The following IL1RAPL1 variants were observed in gnomAD, a reference collection of about 807,000 sequenced individuals.
The protein encoded by IL1RAPL1 is interleukin-1 receptor accessory protein-like 1.
Under a neutral mutation model 48.4 loss-of-function variants are expected in IL1RAPL1, and 3 were observed. The ratio of observed to expected loss-of-function variants is 0.06; its 90% CI spans 0.03 to 0.16. The LOEUF is 0.16. Ranked by LOEUF, IL1RAPL1 falls within the 10% of genes least tolerant of loss-of-function variation. The pLI, the probability that IL1RAPL1 is intolerant of heterozygous loss-of-function variation, is 1.00. For missense variants in IL1RAPL1, 349 were observed against 530.6 expected, an observed-to-expected ratio of 0.66 and a Z score of 3.36; for synonymous variants, 185 against 187.7, an observed-to-expected ratio of 0.99 and a Z score of 0.12.
At chrX:28,831,026 C>CTCTCTCTCTG (rs1438889606) in intron 2 of IL1RAPL1, among the ~76,000 whole-genome samples, 9 of 33,644 alleles carry the variant, frequency 2.7e-4, no homozygotes, top group South Asian at 2.0e-3. Context: ...CTCTCTCTCT[C>CTCTCTCTCTG]TGTGTGTGTG....
chrX:29,956,201 G>T lies in IL1RAPL1; in HGVS notation c.*381G>T, dbSNP rs1933419296. 5.5e-6 allele frequency: 1 copy of T among 182,659 alleles called. No individual in the cohort carries two copies. The highest frequency in any genetic ancestry group is 3.2e-5 in the African/African-American group (1 of 31,315). 15.1% of individuals were successfully genotyped at this position (182,659 alleles called of 1,213,427 possible). On this transcript the variant is annotated 3_prime_UTR_variant, in exon 11 of 11. Coordinates refer to ENST00000378993, the MANE Select transcript of IL1RAPL1 (RefSeq NM_014271.4). ...ACTTTGCTTTTAACATTTCCTTGGGGTGCTTGGACAAATCTATCCGATGGG... is the reference window on the plus strand; with the variant it reads ...ACTTTGCTTTTAACATTTCCTTGGGTTGCTTGGACAAATCTATCCGATGGG...
intron 6 of IL1RAPL1, among the ~76,000 whole-genome samples, chrX:29,887,965 G>T (rs376998002): frequency 1.8e-5 from 2 of 111,191 alleles, no homozygotes; most frequent in East Asian, 5.7e-4. Context: ...TCAACTAATA[G>T]TACCAAACAA....
chrX:29,281,746 T>C (rs1932204845), intron 2 of IL1RAPL1, among the ~76,000 whole-genome samples: 1 of 112,429 alleles, frequency 8.9e-6, no homozygotes, highest in Non-Finnish European at 1.9e-5. Flanking sequence ...CAAATAATTA[T>C]TAAATGTAAC....
At chrX:29,281,912 C>T (rs757330443) in intron 2 of IL1RAPL1, among the ~76,000 whole-genome samples, 1 of 111,723 alleles carries the variant, frequency 9.0e-6, no homozygotes, top group African/African-American at 3.3e-5. Context: ...ATCAAGGTAC[C>T]AGCCAATTTG....
At chrX:29,591,137 C>T (rs1923357983) in intron 5 of IL1RAPL1, among the ~76,000 whole-genome samples, 1 of 111,543 alleles carries the variant, frequency 9.0e-6, no homozygotes, top group African/African-American at 3.3e-5. Flanking sequence ...TAGTACCATC[C>T]TGTGATCACA....
At chrX:29,395,327 A>G (rs774854926) in intron 3 of IL1RAPL1, among the ~76,000 whole-genome samples, 58 of 111,828 alleles carry the variant, frequency 5.2e-4, no homozygotes, top group South Asian at 1.1e-3. Context: ...CTTTGAATTC[A>G]ATATTTTATT....
At chrX:28,712,715 T>G (rs1935455274) in intron 1 of IL1RAPL1, among the ~76,000 whole-genome samples, 1 of 111,231 alleles carries the variant, frequency 9.0e-6, no homozygotes, top group Non-Finnish European at 1.9e-5. Flanking sequence ...CTATTATGTG[T>G]CTGAAGTTAT....
chrX:29,852,500 A>C (rs1348523920), intron 6 of IL1RAPL1, among the ~76,000 whole-genome samples: 4 of 111,593 alleles, frequency 3.6e-5, no homozygotes, highest in Non-Finnish European at 7.5e-5. Context: ...CATACCACCA[A>C]ACTTTTTTTG....
At chrX:29,738,431 T>A (rs1158817163) in intron 6 of IL1RAPL1, among the ~76,000 whole-genome samples, 5 of 108,265 alleles carry the variant, frequency 4.6e-5, no homozygotes, top group African/African-American at 1.7e-4. Flanking sequence ...TCATTTCATT[T>A]CATTTTTTCT....
chrX:29,657,860 T>C (rs1375377370), intron 5 of IL1RAPL1, among the ~76,000 whole-genome samples: 1 of 101,719 alleles, frequency 9.8e-6, no homozygotes, highest in Non-Finnish European at 2.0e-5. Context: ...TGCCTGTCAA[T>C]AGAAGTGAAA....
intron 2 of IL1RAPL1, among the ~76,000 whole-genome samples, chrX:29,017,611 G>A (rs1926270074): frequency 9.0e-6 from 1 of 111,405 alleles, no homozygotes; most frequent in Non-Finnish European, 1.9e-5. Flanking sequence ...TTGCACTGAA[G>A]GTACCTTAAC....
At chrX:29,533,437 A>G (rs927256969) in intron 5 of IL1RAPL1, among the ~76,000 whole-genome samples, 7 of 112,350 alleles carry the variant, frequency 6.2e-5, no homozygotes, top group Non-Finnish European at 9.4e-5. Context: ...ATATATCAAC[A>G]TTTATTTTGA....
chrX:29,276,766 T>C (rs762176169), intron 2 of IL1RAPL1, among the ~76,000 whole-genome samples: 1 of 111,501 alleles, frequency 9.0e-6, no homozygotes, highest in East Asian at 2.8e-4. Context: ...TCCTCCCACA[T>C]CAGCCTTTTG....
intron 5 of IL1RAPL1, among the ~76,000 whole-genome samples, chrX:29,449,610 T>C (rs1431156640): frequency 9.1e-6 from 1 of 110,254 alleles, no homozygotes; most frequent in Admixed American, 9.8e-5. Context: ...GAAATCTATA[T>C]TGGGCACGCT....
intron 1 of IL1RAPL1, among the ~76,000 whole-genome samples, chrX:28,615,202 T>G (rs1934201258): frequency 2.9e-5 from 1 of 34,195 alleles, no homozygotes. Flanking sequence ...GTTGTCTGTT[T>G]TTTTTTTTTT....
At chrX:28,985,002 G>A (rs1243660238) in intron 2 of IL1RAPL1, among the ~76,000 whole-genome samples, 2 of 111,482 alleles carry the variant, frequency 1.8e-5, no homozygotes, top group African/African-American at 3.3e-5. Flanking sequence ...ATGAAAAATT[G>A]AATAATAAAT....
At chrX:29,005,800 C>A (rs1389388143) in intron 2 of IL1RAPL1, among the ~76,000 whole-genome samples, 1 of 111,861 alleles carries the variant, frequency 8.9e-6, no homozygotes, top group Non-Finnish European at 1.9e-5. Context: ...TAAAATTATA[C>A]ACCTAGAATA....
chrX:29,846,145 C>T (rs950418129), intron 6 of IL1RAPL1, among the ~76,000 whole-genome samples: 3 of 111,248 alleles, frequency 2.7e-5, no homozygotes, highest in Admixed American at 9.6e-5. Flanking sequence ...TTTGGCTTTC[C>T]GTGCAACACT....
chrX:29,043,235 C>CT (rs1240750769), intron 2 of IL1RAPL1, among the ~76,000 whole-genome samples: 3 of 111,385 alleles, frequency 2.7e-5, no homozygotes, highest in African/African-American at 9.8e-5. Context: ...GGCTTCAGAT[C>CT]TTTTTATGTT....
Sources: gnomAD v4.1 joint callset for allele counts (sites outside exome capture counted in the v4.1 genomes callset) on GRCh38, gnomAD v4.1.1 for gene constraint, MANE v1.5 for transcripts, NCBI Gene and HGNC (gene_info 2026-07-23, HGNC 2026-07-21) for gene names.